Variants in PTPRE observed in about 807,000 individuals in gnomAD.
PTPRE encodes protein tyrosine phosphatase receptor type E.
A neutral mutation model predicts 102.0 loss-of-function variants in PTPRE; 51 were observed. That is an observed-to-expected ratio of 0.50 (90% CI 0.40 to 0.63). PTPRE has a LOEUF of 0.63. Among genes scored for constraint, PTPRE ranks in the 30% least tolerant of loss-of-function variants. The probability of loss-of-function intolerance (pLI) is 0.00; values close to 1 mark genes in which losing one functional copy is unlikely to be tolerated. For missense variants in PTPRE, 752 were observed against 915.1 expected (o/e 0.82, Z 2.30); for synonymous variants, 345 against 348.2 (o/e 0.99, Z 0.10).
At chr10:127,935,662 C>T (rs1011457205) in intron 1 of PTPRE, among the ~76,000 whole-genome samples, 1 of 152,134 alleles carries the variant, frequency 6.6e-6, no homozygotes, top group African/African-American at 2.4e-5. Context: ...CTTGATGACG[C>T]TTCCTGTTCC....
intron 1 of PTPRE, among the ~76,000 whole-genome samples, chr10:127,955,866 C>G (rs142400934): frequency 4.9e-4 from 75 of 152,128 alleles, no homozygotes; most frequent in African/African-American, 1.6e-3. Flanking sequence ...CACGTGGTGG[C>G]AGGAAAGAGA....
Position 128,047,459 on chromosome 10 carries a change from T to G in PTPRE, c.179T>G (p.Leu60Arg), listed in dbSNP as rs1373963011. The G allele has an allele frequency of 6.2e-7, 1 of 1,613,390 alleles. No individual in the cohort carries two copies. Among genetic ancestry groups the G allele is most frequent in the South Asian group, 1.1e-5 (1 of 91,058 alleles). Reference sequence around the variant, plus strand: ...CTACTGCCGCTGCTGCTCCTCCTCCTCGTGCTCCTTCTCGCCGCCTACTTC... The same window carrying G: ...CTACTGCCGCTGCTGCTCCTCCTCCGCGTGCTCCTTCTCGCCGCCTACTTC... ...WLLLPLLLLLLVLLLAAYFFR... is the reference protein window; with the variant it reads ...WLLLPLLLLLRVLLLAAYFFR... The change falls in exon 4 of 21, where the codon CTC (leucine) becomes CGC (arginine). Residue 60 changes from leucine (L) to arginine (R), a missense_variant. By Grantham distance (102) the Leu-to-Arg change is moderately radical. Coordinates refer to ENST00000254667, the MANE Select transcript of PTPRE (RefSeq NM_006504.6).
At chr10:128,033,622 A>C (rs746051639) in intron 2 of PTPRE, among the ~76,000 whole-genome samples, 2 of 152,184 alleles carry the variant, frequency 1.3e-5, no homozygotes, top group African/African-American at 4.8e-5. Context: ...CTTGGAATTG[A>C]TTATGGTGTA....
intron 1 of PTPRE, among the ~76,000 whole-genome samples, chr10:127,972,374 G>C (rs187146489): frequency 6.6e-6 from 1 of 152,188 alleles, no homozygotes; most frequent in Non-Finnish European, 1.5e-5. Context: ...TATTGACCAC[G>C]TGACTTCACG....
chr10:127,954,820 C>T (rs908119774), intron 1 of PTPRE, among the ~76,000 whole-genome samples: 1 of 152,028 alleles, frequency 6.6e-6, no homozygotes, highest in African/African-American at 2.4e-5. Flanking sequence ...ACCATTACTC[C>T]TAGTGACCCA....
chr10:128,044,004 T>A (rs887743745), intron 3 of PTPRE, among the ~76,000 whole-genome samples: 1 of 152,218 alleles, frequency 6.6e-6, no homozygotes, highest in Non-Finnish European at 1.5e-5. Context: ...GTTCTTAAAA[T>A]AACGATACTT....
Position 128,060,865 on chromosome 10 carries a change from C to A in PTPRE, c.512-74C>A, listed in dbSNP as rs1173318855. On this transcript the variant is annotated intron_variant, in intron 7 of 20. Coordinates refer to ENST00000254667, the MANE Select transcript of PTPRE (RefSeq NM_006504.6). ...TGACACTGCAGATGAAGAGACAGCA[C>A]TGTGATTTCTGGAAGAGACAGCACT... The A allele has an allele frequency of 8.3e-6, 12 of 1,440,726 alleles. 1 individual carries two copies. The Admixed American group carries it at 2.0e-4, about 24-fold the overall frequency. The allele number at this position is 1,440,726 out of a possible 1,614,324, so 89.2% of individuals were successfully genotyped here.
intron 1 of PTPRE, among the ~76,000 whole-genome samples, chr10:127,963,292 C>T (rs914769018): frequency 1.3e-5 from 2 of 152,236 alleles, no homozygotes; most frequent in Non-Finnish European, 2.9e-5. Flanking sequence ...CTGCATCTCA[C>T]TAACTCCCAT....
At chr10:128,063,229 T>TGCC in intron 10 of PTPRE, 49 bp downstream of exon 10, 1 of 1,606,292 alleles carries the variant, frequency 6.2e-7, no homozygotes, top group Non-Finnish European at 8.5e-7. Flanking sequence ...CAGCTGCTGC[T>TGCC]GCCGGGCTGG....
Position 128,073,382 on chromosome 10 carries a change from G to A in PTPRE, c.1510G>A (p.Ala504Thr). Residue 504 changes from alanine (A) to threonine (T), a missense_variant, in exon 17 of 21, where the codon GCA becomes ACA. Ala to Thr is a moderately conservative substitution (Grantham distance 58). This residue lies in a region of PTPRE where 636 missense variants were observed against 824.4 expected (regional missense o/e 0.77). Transcript: ENST00000254667. ...TTTCATCGCCACCCAGGGGCCACTG[G>A]CACACACGGTTGAGGACTTCTGGAG... ...DYFIATQGPL[A>T]HTVEDFWRMI... 6.2e-7 allele frequency: 1 copy of A among 1,614,218 alleles called. No homozygotes were observed.
intron 1 of PTPRE, among the ~76,000 whole-genome samples, chr10:127,970,054 CTTTT>C (rs140695833): frequency 0.1 from 15,531 of 152,128 alleles, 1,011 homozygotes; most frequent in East Asian, 0.31. Flanking sequence ...AAGCTGAGTT[CTTTT>C]TTTGTTTTTC....
rs1472435399 is a variant in PTPRE at position 128,042,695 on chromosome 10, C to T, written c.109+1705C>T. Among the ~76,000 whole-genome samples, 5 of 152,266 alleles carry T rather than the reference C, an allele frequency of 3.3e-5. No homozygotes were observed. The East Asian group carries it at 7.7e-4, about 23-fold the overall frequency. On this transcript the variant is annotated intron_variant, in intron 3 of 20. Coordinates refer to ENST00000254667, the MANE Select transcript of PTPRE (RefSeq NM_006504.6). ...TGAAGGACCATTTCAGATGATAACA[C>T]GTTTCCACAGTGTGCCAAAATAATA... is the stretch of plus-strand genomic sequence containing the variant.
Position 127,973,804 on chromosome 10 carries a change from C to T in PTPRE, c.-30-8470C>T, listed in dbSNP as rs777222848. 6.6e-5 allele frequency among the ~76,000 whole-genome samples: 10 copies of T among 152,174 alleles called. 1 individual carries two copies. The highest frequency in any genetic ancestry group is 4.1e-4 in the South Asian group (2 of 4,834). On this transcript the variant is annotated intron_variant, in intron 1 of 20. Transcript: ENST00000254667. The stretch of plus-strand genomic sequence containing the variant: ...TGAACGCCACCTCTGTCGATGGCAA[C>T]GCTTCACCCAGGCCCCCAAGCCAAG...
chr10:128,045,200 C>G (rs1590121161), intron 3 of PTPRE, among the ~76,000 whole-genome samples: 1 of 152,266 alleles, frequency 6.6e-6, no homozygotes, highest in African/African-American at 2.4e-5. Flanking sequence ...GTGACCCATC[C>G]CTTCTGCCCG....
intron 1 of PTPRE, among the ~76,000 whole-genome samples, chr10:127,920,631 C>T (rs1214450550): frequency 6.6e-6 from 1 of 152,312 alleles, no homozygotes. Context: ...CAGGACGTTT[C>T]AGTGCAAATG....
At chr10:127,986,575 G>T (rs1219025889) in intron 2 of PTPRE, among the ~76,000 whole-genome samples, 6 of 152,190 alleles carry the variant, frequency 3.9e-5, no homozygotes, top group African/African-American at 1.4e-4. Context: ...ATGTACTTAG[G>T]CTTCCCTTCA....
chr10:128,047,253 C>A, intron 3 of PTPRE, 137 bp from the exon 4 acceptor site: 1 of 1,309,260 alleles, frequency 7.6e-7, no homozygotes, highest in Non-Finnish European at 1.0e-6. Context: ...CTCGTGGGGC[C>A]TTTTCAGGAT....
intron 2 of PTPRE, among the ~76,000 whole-genome samples, chr10:127,988,715 C>T (rs1852345193): frequency 6.6e-6 from 1 of 152,198 alleles, no homozygotes; most frequent in African/African-American, 2.4e-5. Context: ...TTGAAAGACT[C>T]TCTATTGGGT....
chr10:128,029,448 A>AT lies in PTPRE; in HGVS notation c.-7-11425dup, dbSNP rs1846545333. ...TGGGGCGTCTGAAGCAGGTGGCACA[A>AT]TTGACCCTCTCAGCCCAGACACCAC... On this transcript the variant is annotated intron_variant, in intron 2 of 20. Coordinates refer to ENST00000254667, the MANE Select transcript of PTPRE (RefSeq NM_006504.6). Among the ~76,000 whole-genome samples, 6 of 152,244 alleles carry AT rather than the reference A, an allele frequency of 3.9e-5. No individual in the cohort carries two copies. The South Asian group carries it at 1.2e-3, about 32-fold the overall frequency.
Sources: gnomAD v4.1 joint callset for allele counts (sites outside exome capture counted in the v4.1 genomes callset) on GRCh38, gnomAD v4.1.1 for gene constraint, gnomAD v4.1.1 regional missense constraint, MANE v1.5 for transcripts, NCBI Gene and HGNC (gene_info 2026-07-23, HGNC 2026-07-21) for gene names.